MTF2: variants seen among roughly 807,000 people sequenced by gnomAD.
MTF2 encodes the protein metal-response element-binding transcription factor 2.
MTF2 carries 11 observed loss-of-function variants against 79.5 expected under a neutral mutation model. That is an observed-to-expected ratio of 0.14 (90% confidence interval 0.09 to 0.23). The LOEUF (loss-of-function observed/expected upper bound fraction) is 0.23, where lower values mean the gene tolerates loss of function less well. Ranked by LOEUF, MTF2 falls within the 10% of genes least tolerant of loss-of-function variation. The pLI is 1.00. For synonymous variants in MTF2, 208 were observed against 232.8 expected (o/e 0.89, Z 0.97); for missense variants, 486 against 711.2 (o/e 0.68, Z 3.60).
rs147471959 is a variant in MTF2 at position 93,110,551 on chromosome 1, A to G, written c.211A>G (p.Ile71Val). ...GTATTTCTCTGTATTGCAGATAAACATATTGAAACAGAGCTGCTTCATCAT... is the reference window on the plus strand; with the variant it reads ...GTATTTCTCTGTATTGCAGATAAACGTATTGAAACAGAGCTGCTTCATCAT... ...FYLGTIKKIN[I>V]LKQSCFIIFE... Residue 71 changes from isoleucine (I) to valine (V), a missense_variant, in exon 3 of 15, where the codon ATA becomes GTA. Transcript: ENST00000370298. The G allele has an allele frequency of 3.7e-6, 6 of 1,612,942 alleles. No homozygotes were observed. The highest frequency in any genetic ancestry group is 1.7e-5 in the Admixed American group (1 of 59,948).
intron 1 of MTF2, among the ~76,000 whole-genome samples, chr1:93,084,232 G>A (rs1015723666): frequency 6.6e-6 from 1 of 151,844 alleles, no homozygotes; most frequent in African/African-American, 2.4e-5. Context: ...AGTACCATTT[G>A]TTAAAAAAAA....
chr1:93,090,340 G>C (rs1055902749), intron 1 of MTF2, among the ~76,000 whole-genome samples: 5 of 151,972 alleles, frequency 3.3e-5, no homozygotes, highest in Middle Eastern at 3.4e-3. Flanking sequence ...TTGAATTCCT[G>C]ACCTCAGGTG....
In MTF2 at chr1:93,107,034, C is replaced by T. The variant is rs1010274328; in HGVS notation, c.6-3196C>T. 3.3e-5 allele frequency among the ~76,000 whole-genome samples: 5 copies of T among 152,252 alleles called. No homozygotes were observed. The South Asian group carries it at 8.3e-4, about 25-fold the overall frequency. On this transcript the variant is annotated intron_variant, in intron 1 of 14. Coordinates refer to ENST00000370298, the MANE Select transcript of MTF2 (RefSeq NM_007358.4). ...CTTTTTAACCCCTCTAATTATACTA[C>T]CAAAAGTGCCTTCTCCTCACAGCTG...
intron 1 of MTF2, among the ~76,000 whole-genome samples, chr1:93,094,898 C>A (rs1478411942): frequency 6.6e-6 from 1 of 152,192 alleles, no homozygotes; most frequent in Non-Finnish European, 1.5e-5. Context: ...TTTCAGCTGG[C>A]ACCTTACCTG....
chr1:93,089,342 A>T (rs979644076), intron 1 of MTF2, among the ~76,000 whole-genome samples: 2 of 152,176 alleles, frequency 1.3e-5, no homozygotes, highest in African/African-American at 4.8e-5. Context: ...TGGAGGATTT[A>T]CTTACTAGTG....
chr1:93,120,928 A>ATTTTC, intron 9 of MTF2: 1 of 1,149,640 alleles, frequency 8.7e-7, no homozygotes, highest in Non-Finnish European at 1.1e-6. Context: ...TTCTGAAGTG[A>ATTTTC]AAGTCATTGT....
At chr1:93,103,047 G>A (rs997528424) in intron 1 of MTF2, among the ~76,000 whole-genome samples, 2 of 151,442 alleles carry the variant, frequency 1.3e-5, no homozygotes, top group East Asian at 2.0e-4. Context: ...CAGGAGAATT[G>A]CTTGAACCCG....
At position 93,079,369 on chromosome 1, in the gene MTF2, C is replaced by T. The variant is rs1304436595; in HGVS notation, c.-158C>T. On this transcript the variant is annotated 5_prime_UTR_variant, in exon 1 of 15. Coordinates refer to ENST00000370298, the MANE Select transcript of MTF2 (RefSeq NM_007358.4). ...GTAAGAACGCTCATTCTACCCCCAA[C>T]CCTTGTCTCCAAGGACCTCGGTTTG... 4.3e-5 allele frequency: 36 copies of T among 840,908 alleles called. No individual in the cohort carries two copies. In the South Asian group the frequency reaches 5.3e-4, roughly 12 times the overall value. 52.1% of individuals were successfully genotyped at this position (840,908 alleles called of 1,614,324 possible).
chr1:93,118,993 G>A (rs1460308032), intron 7 of MTF2, among the ~76,000 whole-genome samples: 3 of 152,182 alleles, frequency 2.0e-5, no homozygotes, highest in East Asian at 3.8e-4. Context: ...TATTTTGAGC[G>A]TTGAATTAAA....
rs553332676 is a variant in MTF2, at chr1:93,118,396, G to A, written c.684G>A (p.Glu228=). 8.1e-6 allele frequency: 13 copies of A among 1,604,162 alleles called. No homozygotes were observed. In the Admixed American group the frequency reaches 1.9e-4, roughly 23 times the overall value. The change falls in exon 7 of 15, where the codon GAG becomes GAA. Residue 228 remains glutamate (E), a synonymous_variant. Transcript: ENST00000370298. ...QCCKCKQWFH[E]ACVQCLQKPM... ...GCAAATGTAAGCAGTGGTTTCATGA[G>A]GCTTGTGTGCAATGCCTTCAAAAGC...
chr1:93,113,933 A>G (rs1656144091), intron 3 of MTF2, among the ~76,000 whole-genome samples: 1 of 152,168 alleles, frequency 6.6e-6, no homozygotes, highest in South Asian at 2.1e-4. Context: ...GACTCTGCTG[A>G]AACAGACAAG....
chr1:93,107,612 T>C (rs868724000), intron 1 of MTF2, among the ~76,000 whole-genome samples: 5 of 152,236 alleles, frequency 3.3e-5, no homozygotes, highest in African/African-American at 1.2e-4. Flanking sequence ...AGCTTTTTCA[T>C]GGAACACCAT....
At chr1:93,115,867 A>G (rs1295900332) in intron 6 of MTF2, among the ~76,000 whole-genome samples, 2 of 152,224 alleles carry the variant, frequency 1.3e-5, no homozygotes, top group Non-Finnish European at 2.9e-5. Flanking sequence ...ATATTGTCAT[A>G]AAATTAACTA....
chr1:93,136,627 T>TA, intron 14 of MTF2, 43 bp from the exon 15 acceptor site: 1 of 1,513,864 alleles, frequency 6.6e-7, no homozygotes, highest in Non-Finnish European at 9.0e-7. Flanking sequence ...CATAGGATGC[T>TA]AAAAAAGCTC....
At chr1:93,085,854 G>T (rs1311875666) in intron 1 of MTF2, among the ~76,000 whole-genome samples, 1 of 152,106 alleles carries the variant, frequency 6.6e-6, no homozygotes, top group Non-Finnish European at 1.5e-5. Context: ...TGTGGATTTT[G>T]GTATCCTCAG....
intron 1 of MTF2, among the ~76,000 whole-genome samples, chr1:93,105,682 T>G (rs1655746617): frequency 1.4e-5 from 2 of 146,412 alleles, no homozygotes; most frequent in South Asian, 4.3e-4. Context: ...TGTGTGTGTG[T>G]TTTTTTTTTG....
At chr1:93,113,149 G>A (rs1012217384) in intron 3 of MTF2, among the ~76,000 whole-genome samples, 1 of 151,440 alleles carries the variant, frequency 6.6e-6, no homozygotes, top group African/African-American at 2.4e-5. Flanking sequence ...GGAGGCCCAG[G>A]CAGGAGGATT....
intron 1 of MTF2, among the ~76,000 whole-genome samples, chr1:93,096,104 T>G (rs1171841498): frequency 6.6e-6 from 1 of 152,240 alleles, no homozygotes; most frequent in Non-Finnish European, 1.5e-5. Context: ...ATTTTCTTCC[T>G]TATTTTACAA....
chr1:93,138,230 T>G lies in MTF2; in HGVS notation c.*1203T>G, dbSNP rs977489778. ...TTTATTTTACTTGTAAAAAAAAAGT[T>G]TCTTTTATCACCAGTGTTACAGTTG... On this transcript the variant is annotated 3_prime_UTR_variant, in exon 15 of 15. Transcript: ENST00000370298. 6.6e-6 allele frequency: 1 copy of G among 152,232 alleles called. No individual in the cohort carries two copies. The highest frequency in any genetic ancestry group is 1.5e-5 in the Non-Finnish European group (1 of 68,036). 9.4% of individuals were successfully genotyped at this position (152,232 alleles called of 1,614,324 possible). A position where few individuals can be genotyped will look rare whatever the true frequency, so the allele number is the denominator to read the frequency against.
Sources: gnomAD v4.1 joint callset for allele counts (sites outside exome capture counted in the v4.1 genomes callset) on GRCh38, gnomAD v4.1.1 for gene constraint, MANE v1.5 for transcripts, NCBI Gene and HGNC (gene_info 2026-07-23, HGNC 2026-07-21) for gene names.